FBXO47: variants seen among roughly 807,000 people sequenced by gnomAD.
FBXO47 encodes the protein F-box only protein 47.
Under a neutral mutation model 53.9 loss-of-function variants are expected in FBXO47, and 34 were observed. The ratio of observed to expected loss-of-function variants is 0.63; its 90% confidence interval spans 0.48 to 0.84. The LOEUF is 0.84. Among genes scored for constraint, FBXO47 ranks in the 40% least tolerant of loss-of-function variants. The pLI is 0.00. For missense variants in FBXO47, 485 were observed against 541.3 expected, an observed-to-expected ratio of 0.90 and a Z score of 1.03; for synonymous variants, 165 against 181.6, an observed-to-expected ratio of 0.91 and a Z score of 0.73.
At chr17:38,965,586 AC>A (rs1207455612) in intron 1 of FBXO47, among the ~76,000 whole-genome samples, 1 of 151,732 alleles carries the variant, frequency 6.6e-6, no homozygotes, top group Non-Finnish European at 1.5e-5. Context: ...TTAAAATTAC[AC>A]AAATAGGCCG....
chr17:38,942,974 TA>T (rs1272993408), intron 8 of FBXO47, 54 bp from the exon 9 acceptor site: 41 of 1,381,480 alleles, frequency 3.0e-5, no homozygotes, highest in Non-Finnish European at 4.0e-5. Context: ...ACAGCTATAG[TA>T]AATACCATTA....
chr17:38,954,033 C>T (rs1472101303), intron 5 of FBXO47, among the ~76,000 whole-genome samples: 1 of 152,076 alleles, frequency 6.6e-6, no homozygotes, highest in Non-Finnish European at 1.5e-5. Context: ...TTGCTCACGC[C>T]TGTAATCTCA....
intron 3 of FBXO47, 114 bp downstream of exon 3, chr17:38,961,763 C>A: frequency 1.2e-6 from 1 of 861,520 alleles, no homozygotes; most frequent in Non-Finnish European, 1.8e-6. Context: ...ATCATAGAAA[C>A]AGGCATATTT....
chr17:38,962,165 C>T lies in FBXO47; in HGVS notation c.182-118G>A, dbSNP rs1905844842. The T allele has an allele frequency of 9.7e-6, 8 of 825,498 alleles. No homozygotes were observed. The South Asian group carries it at 1.7e-4, about 17-fold the overall frequency. 51.1% of individuals were successfully genotyped at this position (825,498 alleles called of 1,614,324 possible). A position where few individuals can be genotyped will look rare whatever the true frequency, so the allele number is the denominator to read the frequency against. Reference sequence around the variant, plus strand: ...TCGTCATCATTATCACCATCATCATCCCTTTGGGAAAAAAGGGAAAAACCT... The same window carrying T: ...TCGTCATCATTATCACCATCATCATTCCTTTGGGAAAAAAGGGAAAAACCT... On this transcript the variant is annotated intron_variant, in intron 2 of 10. Coordinates refer to ENST00000378079, the MANE Select transcript of FBXO47 (RefSeq NM_001008777.3).
chr17:38,942,981 C>A, intron 8 of FBXO47, 61 bp from the exon 9 acceptor site: 2 of 1,298,384 alleles, frequency 1.5e-6, no homozygotes, highest in South Asian at 1.4e-5. Flanking sequence ...TAGTAAATAC[C>A]ATTAAGTACA....
At position 38,962,954 on chromosome 17, in the gene FBXO47, G is replaced by A. The variant is rs1392288078; in HGVS notation, c.72C>T (p.Thr24=). The A allele has an allele frequency of 8.7e-6, 14 of 1,612,954 alleles. No individual in the cohort carries two copies. The highest frequency in any genetic ancestry group is 2.7e-5 in the African/African-American group (2 of 74,850). Residue 24 remains threonine (T), a synonymous_variant, in exon 2 of 11, where the codon ACC becomes ACT. Coordinates refer to ENST00000378079, the MANE Select transcript of FBXO47 (RefSeq NM_001008777.3). ...NQKLRRSNRQ[T]SCYSKTLGSG... is the part of the protein sequence containing the mutation. ...AGCCAAGGGTCTTGGAATAACAGCT[G>A]GTTTGACGATTACTACGTCTAAGTT... is the stretch of plus-strand genomic sequence containing the variant.
At chr17:38,962,608 AAATAATAATAAT>A (rs58127654) in intron 2 of FBXO47, among the ~76,000 whole-genome samples, 14 of 146,302 alleles carry the variant, frequency 9.6e-5, no homozygotes, top group Middle Eastern at 3.6e-3. Flanking sequence ...CTCCATCTCA[AAATAATAATAAT>A]AATAATAATA....
chr17:38,959,075 G>A (rs930821154), intron 3 of FBXO47, among the ~76,000 whole-genome samples: 1 of 151,336 alleles, frequency 6.6e-6, no homozygotes, highest in Admixed American at 6.6e-5. Context: ...GCCTTATTTT[G>A]GTATGCTGAC....
chr17:38,963,659 G>T (rs1333701099), intron 1 of FBXO47, among the ~76,000 whole-genome samples: 1 of 152,008 alleles, frequency 6.6e-6, no homozygotes, highest in African/African-American at 2.4e-5. Context: ...TGGGTATGGT[G>T]GCTCACGCCT....
intron 9 of FBXO47, among the ~76,000 whole-genome samples, chr17:38,940,582 G>C (rs1267261904): frequency 6.6e-6 from 1 of 151,898 alleles, no homozygotes; most frequent in Non-Finnish European, 1.5e-5. Context: ...ACTGCTTACA[G>C]TGTCCTGAAT....
chr17:38,942,763 C>T lies in FBXO47; in HGVS notation c.1083+15G>A, dbSNP rs750674826. 2 of 1,598,730 alleles carry T rather than the reference C, an allele frequency of 1.3e-6. No homozygotes were observed. The highest frequency in any genetic ancestry group is 2.3e-5 in the South Asian group (2 of 88,126). Reference sequence around the variant, plus strand: ...TGTTAAAAAACTTGCTAGAGAAAAACTTATTTTTACTTACCAAAGCCAAAA... The same window carrying T: ...TGTTAAAAAACTTGCTAGAGAAAAATTTATTTTTACTTACCAAAGCCAAAA... On this transcript the variant is annotated intron_variant, in intron 9 of 10. Transcript: ENST00000378079.
chr17:38,962,543 T>C (rs183918675), intron 2 of FBXO47, among the ~76,000 whole-genome samples: 1 of 150,974 alleles, frequency 6.6e-6, no homozygotes, highest in African/African-American at 2.4e-5. Flanking sequence ...GAAGTGGAGG[T>C]TGCGGTGAGC....
intron 7 of FBXO47, among the ~76,000 whole-genome samples, chr17:38,944,555 A>T (rs1046335041): frequency 6.6e-6 from 1 of 151,680 alleles, no homozygotes; most frequent in Non-Finnish European, 1.5e-5. Context: ...ACAAAAAATT[A>T]GCCAGGCATG....
chr17:38,962,410 GT>G (rs1483225267), intron 2 of FBXO47, among the ~76,000 whole-genome samples: 4 of 152,088 alleles, frequency 2.6e-5, no homozygotes, highest in Non-Finnish European at 5.9e-5. Context: ...GAGGTCAGGA[GT>G]TCGAGACCAG....
At chr17:38,959,023 C>T (rs1334289825) in intron 3 of FBXO47, among the ~76,000 whole-genome samples, 1 of 151,972 alleles carries the variant, frequency 6.6e-6, no homozygotes, top group Non-Finnish European at 1.5e-5. Flanking sequence ...CTGCCTCAGC[C>T]TCCTGAGTAT....
In FBXO47 at chr17:38,962,830, G is replaced by A. The variant is rs188866820; in HGVS notation, c.181+15C>T. ...AGTGTCTTGTGTAGGCTATTCATAA[G>A]TTCCCAAACCTCACCTGACAAATAT... On this transcript the variant is annotated intron_variant, in intron 2 of 10. Coordinates refer to ENST00000378079, the MANE Select transcript of FBXO47 (RefSeq NM_001008777.3). The A allele has an allele frequency of 3.8e-6, 6 of 1,591,818 alleles. No individual in the cohort carries two copies. The highest frequency in any genetic ancestry group is 4.3e-6 in the Non-Finnish European group (5 of 1,164,784).
Position 38,941,620 on chromosome 17 carries a change from T to TATATATA in FBXO47, c.1083+1157_1083+1158insTATATAT, listed in dbSNP as rs372467875. The stretch of plus-strand genomic sequence containing the variant: ...AAATGAATATTAAATAAATATAATA[T>TATATATA]TATATATATATATATATATATATAT... On this transcript the variant is annotated intron_variant, in intron 9 of 10. Coordinates refer to ENST00000378079, the MANE Select transcript of FBXO47 (RefSeq NM_001008777.3). 7.3e-3 allele frequency among the ~76,000 whole-genome samples: 838 copies of TATATATA among 115,114 alleles called. 10 individuals are homozygous for TATATATA. The highest frequency in any genetic ancestry group is 0.02 in the East Asian group (78 of 3,942). 75.5% of individuals were successfully genotyped at this position (115,114 alleles called of 152,430 possible).
At chr17:38,944,870 G>GTGTGTGTGTGTGTGTGTGTA in intron 7 of FBXO47, 90 bp downstream of exon 7, 1 of 949,656 alleles carries the variant, frequency 1.1e-6, no homozygotes. Context: ...GTGTGTGTGT[G>GTGTGTGTGTGTGTGTGTGTA]TATAATATAT....
At position 38,943,654 on chromosome 17, in the gene FBXO47, T is replaced by C. The variant is rs775464693; in HGVS notation, c.876A>G (p.Leu292=). 9.9e-6 allele frequency: 16 copies of C among 1,610,358 alleles called. No individual in the cohort carries two copies. In the Admixed American group the frequency reaches 1.2e-4, roughly 12 times the overall value. The change falls in exon 8 of 11, where the codon CTA becomes CTG. Residue 292 remains leucine, a synonymous_variant. Coordinates refer to ENST00000378079, the MANE Select transcript of FBXO47 (RefSeq NM_001008777.3). ...TCCACTCTTTAGTGCTAGCGTCATA[T>C]AGTAACTTAATGGCATCAGCCAAAC... The part of the protein sequence containing the change: ...LKGLADAIKL[L]YDASTKEWTA...
Sources: allele counts gnomAD v4.1 joint callset (sites outside exome capture counted in the v4.1 genomes callset), GRCh38; gene constraint gnomAD v4.1.1; transcripts MANE v1.5; gene names NCBI Gene and HGNC (gene_info 2026-07-23, HGNC 2026-07-21).